ADK: variants seen among roughly 807,000 people sequenced by gnomAD.
ADK encodes the protein adenosine kinase.
A neutral mutation model predicts 44.7 loss-of-function variants in ADK; 24 were observed. The ratio of observed to expected loss-of-function variants is 0.54; its 90% CI spans 0.39 to 0.76. The LOEUF (loss-of-function observed/expected upper bound fraction) is 0.76. ADK is among the 30% of genes least tolerant of loss of function. ADK has a pLI of 0.00. For missense variants in ADK, 321 were observed against 425.1 expected (o/e 0.76, Z 2.15); for synonymous variants, 128 against 142.6 (o/e 0.90, Z 0.73).
At chr10:74,608,746 G>C (rs543261628) in intron 9 of ADK, among the ~76,000 whole-genome samples, 8 of 152,112 alleles carry the variant, frequency 5.3e-5, no homozygotes, top group South Asian at 2.1e-4. Context: ...AGGAGAGCTC[G>C]AGCACTGTGC....
intron 10 of ADK, among the ~76,000 whole-genome samples, chr10:74,685,886 G>C (rs911040905): frequency 6.6e-6 from 1 of 152,026 alleles, no homozygotes; most frequent in African/African-American, 2.4e-5. Flanking sequence ...TCAGGTTAAG[G>C]AATTTTTTTT....
chr10:74,406,641 G>A (rs1445086965), intron 6 of ADK, among the ~76,000 whole-genome samples: 1 of 150,966 alleles, frequency 6.6e-6, no homozygotes, highest in Non-Finnish European at 1.5e-5. Flanking sequence ...TCTTCATTTT[G>A]AATAATTACT....
At chr10:74,523,908 A>G (rs865965814) in intron 6 of ADK, among the ~76,000 whole-genome samples, 21 of 152,078 alleles carry the variant, frequency 1.4e-4, no homozygotes, top group African/African-American at 5.1e-4. Flanking sequence ...TTTGCTTTAA[A>G]TTTTCCCATA....
chr10:74,612,872 A>G (rs993968758), intron 9 of ADK, among the ~76,000 whole-genome samples: 8 of 152,074 alleles, frequency 5.3e-5, no homozygotes, highest in Admixed American at 2.6e-4. Flanking sequence ...AATATCATTT[A>G]TTGAATTGAG....
intron 7 of ADK, among the ~76,000 whole-genome samples, chr10:74,547,401 G>C (rs892572641): frequency 2.0e-5 from 3 of 147,934 alleles, no homozygotes; most frequent in Non-Finnish European, 1.5e-5. Context: ...TTAACCAATT[G>C]AAATAGATTT....
rs183587131 is a variant in ADK, at chr10:74,475,753, A to C, written c.556-49503A>C. On this transcript the variant is annotated intron_variant, in intron 6 of 10. Transcript: ENST00000539909. ...GAGAGAGCGAAGAGAGAAAGAGAGA[A>C]ATAAAAGAAGAAAAGAGAGAGAGGG... is the stretch of plus-strand genomic sequence containing the variant. Among the ~76,000 whole-genome samples the C allele has an allele frequency of 3.7e-4, 56 of 151,834 alleles. No individual in the cohort carries two copies. In the East Asian group the frequency reaches 0.01, roughly 28 times the overall value.
intron 6 of ADK, among the ~76,000 whole-genome samples, chr10:74,458,677 A>G (rs1304976023): frequency 6.6e-6 from 1 of 152,098 alleles, no homozygotes; most frequent in Non-Finnish European, 1.5e-5. Flanking sequence ...CATTCTATAC[A>G]CTACACCGGT....
chr10:74,331,255 G>A (rs187121985), intron 4 of ADK, among the ~76,000 whole-genome samples: 40 of 151,922 alleles, frequency 2.6e-4, no homozygotes, highest in Admixed American at 1.2e-3. Flanking sequence ...TGTTTTGAAA[G>A]TTTTGAATAA....
At chr10:74,613,204 G>A (rs1019721547) in intron 9 of ADK, among the ~76,000 whole-genome samples, 8 of 152,008 alleles carry the variant, frequency 5.3e-5, no homozygotes, top group East Asian at 1.9e-4. Flanking sequence ...TTGAGAATGC[G>A]GGCAGTACAG....
At chr10:74,354,398 C>T (rs1842068631) in intron 4 of ADK, among the ~76,000 whole-genome samples, 1 of 152,100 alleles carries the variant, frequency 6.6e-6, no homozygotes, top group Non-Finnish European at 1.5e-5. Flanking sequence ...AGAAATTTCC[C>T]CCATGAAACC....
chr10:74,168,624 CT>C (rs1431029800), intron 1 of ADK, among the ~76,000 whole-genome samples: 2 of 150,362 alleles, frequency 1.3e-5, no homozygotes, highest in East Asian at 4.0e-4. Context: ...TAAGGAAAAT[CT>C]TTTTTTAGAC....
chr10:74,257,335 G>A (rs1446327503), intron 3 of ADK, among the ~76,000 whole-genome samples: 2 of 152,142 alleles, frequency 1.3e-5, no homozygotes, highest in African/African-American at 4.8e-5. Context: ...CCTGTAGGTG[G>A]ACTTGCGCAG....
chr10:74,378,893 GAGTTCAGA>G (rs1476842132), intron 4 of ADK, among the ~76,000 whole-genome samples: 3 of 152,000 alleles, frequency 2.0e-5, no homozygotes, highest in Admixed American at 6.6e-5. Context: ...TTGAGCCCAG[GAGTTCAGA>G]TCTAGCCTGG....
chr10:74,428,851 T>TG (rs146267601), intron 6 of ADK, among the ~76,000 whole-genome samples: 4,188 of 152,298 alleles, frequency 0.027, 64 homozygotes, highest in Non-Finnish European at 0.043. Context: ...TCACCTCCAG[T>TG]GAGAGTCAAA....
intron 9 of ADK, among the ~76,000 whole-genome samples, chr10:74,601,431 G>T (rs1852115496): frequency 1.3e-5 from 2 of 152,004 alleles, no homozygotes; most frequent in Admixed American, 6.6e-5. Flanking sequence ...ATAACATGAT[G>T]TTATAGGATA....
At chr10:74,483,185 AG>A (rs1359108506) in intron 6 of ADK, among the ~76,000 whole-genome samples, 1 of 152,170 alleles carries the variant, frequency 6.6e-6, no homozygotes, top group Non-Finnish European at 1.5e-5. Flanking sequence ...GAGGCTCCCA[AG>A]CCTCATCTCT....
chr10:74,249,158 A>G (rs190640955), intron 3 of ADK, among the ~76,000 whole-genome samples: 5 of 152,310 alleles, frequency 3.3e-5, no homozygotes, highest in African/African-American at 1.2e-4. Flanking sequence ...AATGATGACT[A>G]CACTAAAACA....
chr10:74,356,322 A>G (rs1415680269), intron 4 of ADK, among the ~76,000 whole-genome samples: 3 of 151,824 alleles, frequency 2.0e-5, no homozygotes, highest in Non-Finnish European at 4.4e-5. Flanking sequence ...CCGGCCAATA[A>G]TTCATATTGT....
chr10:74,493,346 C>T (rs1266609162), intron 6 of ADK, among the ~76,000 whole-genome samples: 1 of 149,842 alleles, frequency 6.7e-6, no homozygotes, highest in Non-Finnish European at 1.5e-5. Context: ...ACACACCCAG[C>T]ATGTATGTGT....
Sources: allele counts gnomAD v4.1 joint callset (sites outside exome capture counted in the v4.1 genomes callset), GRCh38; gene constraint gnomAD v4.1.1; transcripts MANE v1.5; gene names NCBI Gene and HGNC (gene_info 2026-07-23, HGNC 2026-07-21).